The following RNF17 variants were observed in gnomAD, a reference collection of about 807,000 sequenced individuals.
The protein encoded by RNF17 is spermatogenesis associated 23.
Under a neutral mutation model 200.5 loss-of-function variants are expected in RNF17, and 31 were observed. The observed-to-expected ratio is 0.15, with a 90% CI of 0.12 to 0.21. The LOEUF (loss-of-function observed/expected upper bound fraction) is 0.21. RNF17 is among the 10% of genes least tolerant of loss of function. The pLI is 1.00. For missense variants in RNF17, 1,628 were observed against 1,905.1 expected (o/e 0.85, Z 2.71); for synonymous variants, 606 against 637.8 (o/e 0.95, Z 0.75).
the RNF17 span, among the ~76,000 whole-genome samples, chr13:24,758,385 A>G: frequency 3.3e-5 from 5 of 152,196 alleles, no homozygotes; most frequent in Non-Finnish European, 7.3e-5. Context: ...GATAGACATC[A>G]TGACTAATAA....
intron 9 of RNF17, 35 bp downstream of exon 9, chr13:24,789,807 T>G (rs1324168569): frequency 8.9e-7 from 1 of 1,128,024 alleles, no homozygotes; most frequent in Non-Finnish European, 1.4e-6. Context: ...ATGCCATTAG[T>G]GTCTGACAGT....
At chr13:24,830,410 C>T in intron 16 of RNF17, 74 bp from the exon 17 acceptor site, 1 of 825,160 alleles carries the variant, frequency 1.2e-6, no homozygotes. Context: ...ATCTAGTTGG[C>T]CATAAACCAA....
chr13:24,838,691 A>G (rs746706588), intron 18 of RNF17, among the ~76,000 whole-genome samples: 12 of 152,202 alleles, frequency 7.9e-5, no homozygotes, highest in Non-Finnish European at 1.6e-4. Flanking sequence ...AAAGCCATCT[A>G]TGACAAACCC....
intron 15 of RNF17, among the ~76,000 whole-genome samples, chr13:24,818,392 G>T (rs918508781): frequency 1.3e-5 from 2 of 152,082 alleles, no homozygotes; most frequent in African/African-American, 4.8e-5. Context: ...TGTCTGTTAG[G>T]ACCTGTTGGT....
At chr13:24,853,799 T>C (rs761290132) in intron 24 of RNF17, 56 bp from the exon 25 acceptor site, 1 of 1,323,390 alleles carries the variant, frequency 7.6e-7, no homozygotes, top group Non-Finnish European at 1.0e-6. Flanking sequence ...TATGTTGTTT[T>C]ACCCAGAATT....
chr13:24,780,542 A>AC (rs1566124474), intron 5 of RNF17, among the ~76,000 whole-genome samples: 3 of 152,118 alleles, frequency 2.0e-5, no homozygotes, highest in African/African-American at 4.8e-5. Flanking sequence ...CCATCCTGAC[A>AC]CCCCCAAAAG....
At chr13:24,872,175 GTC>G (rs1265905783) in intron 32 of RNF17, among the ~76,000 whole-genome samples, 2 of 149,188 alleles carry the variant, frequency 1.3e-5, no homozygotes, top group African/African-American at 5.0e-5. Flanking sequence ...GGTCGGGCTG[GTC>G]TCGAACTCCT....
At position 24,781,905 on chromosome 13, in the gene RNF17, A is replaced by G; in HGVS notation, c.572A>G (p.Glu191Gly). 1 of 1,613,416 alleles carries G rather than the reference A, an allele frequency of 6.2e-7. No individual in the cohort carries two copies. Among genetic ancestry groups the G allele is most frequent in the South Asian group, 1.1e-5 (1 of 90,950 alleles). Residue 191 changes from glutamate to glycine, a missense_variant, in exon 6 of 36, where the codon GAG becomes GGG. Coordinates refer to ENST00000255324, the MANE Select transcript of RNF17 (RefSeq NM_031277.3). ...AGAGAAAGAGTTATAGAAGTTGTGG[A>G]GAAACAGTTTGACCAACTTTTGGCT... Reference protein sequence around the residue: ...EERERVIEVVEKQFDQLLAFF... With the variant: ...EERERVIEVVGKQFDQLLAFF...
intron 23 of RNF17, among the ~76,000 whole-genome samples, 161 bp downstream of exon 23, chr13:24,850,604 C>A (rs1436012745): frequency 6.6e-6 from 1 of 152,110 alleles, no homozygotes; most frequent in Non-Finnish European, 1.5e-5. Flanking sequence ...TCTTTTCAGA[C>A]CACTTCAAAA....
chr13:24,797,764 G>T (rs1566147167), intron 11 of RNF17, among the ~76,000 whole-genome samples: 1 of 138,246 alleles, frequency 7.2e-6, no homozygotes, highest in Non-Finnish European at 1.6e-5. Flanking sequence ...CAATGGAATG[G>T]TGTTCTGACC....
intron 18 of RNF17, among the ~76,000 whole-genome samples, chr13:24,839,607 G>A (rs1890393062): frequency 6.6e-6 from 1 of 151,916 alleles, no homozygotes. Flanking sequence ...TCTTTGACAA[G>A]GCAAACAAAA....
At chr13:24,758,834 C>T in the RNF17 span, among the ~76,000 whole-genome samples, 6 of 151,966 alleles carry the variant, frequency 3.9e-5, no homozygotes, top group East Asian at 7.7e-4. Flanking sequence ...CCTAGCACTT[C>T]GGGAGGCCAA....
At chr13:24,825,517 G>C in intron 15 of RNF17, 102 bp from the exon 16 acceptor site, 2 of 796,758 alleles carry the variant, frequency 2.5e-6, no homozygotes, top group South Asian at 2.2e-5. Flanking sequence ...TTCAATTCAA[G>C]TTTTAATGTT....
intron 21 of RNF17, 22 bp from the exon 22 acceptor site, chr13:24,844,939 C>T (rs779005231): frequency 6.4e-7 from 1 of 1,563,210 alleles, no homozygotes; most frequent in Non-Finnish European, 8.8e-7. Flanking sequence ...TGTCTGTAGA[C>T]TTAAAGTTAT....
intron 2 of RNF17, among the ~76,000 whole-genome samples, chr13:24,768,544 A>G (rs1258275859): frequency 6.6e-6 from 1 of 152,114 alleles, no homozygotes; most frequent in Non-Finnish European, 1.5e-5. Flanking sequence ...TCGGCCTCCC[A>G]AAGTGCTGGG....
intron 13 of RNF17, 56 bp from the exon 14 acceptor site, chr13:24,802,325 T>G (rs1055655407): frequency 2.7e-6 from 4 of 1,458,106 alleles, no homozygotes; most frequent in Non-Finnish European, 3.7e-6. Flanking sequence ...TCCAGAACAT[T>G]GTAACATTAG....
At chr13:24,812,389 G>C (rs1886776133) in intron 15 of RNF17, among the ~76,000 whole-genome samples, 1 of 151,834 alleles carries the variant, frequency 6.6e-6, no homozygotes, top group Non-Finnish European at 1.5e-5. Flanking sequence ...TATTCGGGTG[G>C]GAGTGACCCA....
chr13:24,755,108 G>C, the RNF17 span, among the ~76,000 whole-genome samples: 8 of 151,958 alleles, frequency 5.3e-5, no homozygotes, highest in Non-Finnish European at 1.0e-4. Flanking sequence ...TTCTTAAATT[G>C]ATATACTGTG....
intron 18 of RNF17, among the ~76,000 whole-genome samples, chr13:24,837,187 CAT>C (rs886658429): frequency 5.9e-5 from 9 of 152,104 alleles, no homozygotes; most frequent in Non-Finnish European, 8.8e-5. Flanking sequence ...CAGTCTTAAA[CAT>C]ATGTGCACCT....
Sources: allele counts gnomAD v4.1 joint callset (sites outside exome capture counted in the v4.1 genomes callset), GRCh38; gene constraint gnomAD v4.1.1; transcripts MANE v1.5; gene names NCBI Gene and HGNC (gene_info 2026-07-23, HGNC 2026-07-21).